The following BICD2 variants were observed in gnomAD, a reference collection of about 807,000 sequenced individuals.
The protein encoded by BICD2 is BICD cargo adaptor 2.
BICD2 carries 25 observed loss-of-function variants against 72.9 expected under a neutral mutation model. The observed-to-expected ratio is 0.34, with a 90% CI of 0.25 to 0.48. The LOEUF is 0.48. Among genes scored for constraint, BICD2 ranks in the 20% least tolerant of loss-of-function variants. The pLI, the probability that BICD2 is intolerant of heterozygous loss-of-function variation, is 0.99. For synonymous variants in BICD2, 501 were observed against 516.1 expected, an observed-to-expected ratio of 0.97 and a Z score of 0.40; for missense variants, 894 against 1,175.2, an observed-to-expected ratio of 0.76 and a Z score of 3.50.
chr9:92,715,519 G>A (rs144710648), intron 6 of BICD2, 56 bp from the exon 7 acceptor site: 861 of 1,511,484 alleles, frequency 5.7e-4, no homozygotes, highest in Non-Finnish European at 7.3e-4. Flanking sequence ...GAGGAGGGCA[G>A]GGCAGGGCAG....
chr9:92,740,522 TGTGCTGGGGCGGGGAGGGGGGG>T (rs1402224179), intron 1 of BICD2, among the ~76,000 whole-genome samples: 1 of 151,238 alleles, frequency 6.6e-6, no homozygotes, highest in Admixed American at 6.6e-5. Context: ...AAAGCAGTAC[TGTGCTGGGGCGGGGAGGGGGGG>T]CGTTGTGGTG....
chr9:92,759,631 C>T (rs1455576985), intron 1 of BICD2, among the ~76,000 whole-genome samples: 2 of 152,172 alleles, frequency 1.3e-5, no homozygotes, highest in Non-Finnish European at 2.9e-5. Flanking sequence ...CTCCAGAGTT[C>T]GGCTTCAGAG....
Position 92,764,804 on chromosome 9 carries a change from CGCCGCCGCT to C in BICD2, c.-69_-61del, listed in dbSNP as rs925359987. 47 of 1,223,916 alleles carry C rather than the reference CGCCGCCGCT, an allele frequency of 3.8e-5. 1 individual carries two copies. The East Asian group carries it at 4.3e-4, about 11-fold the overall frequency. The allele number at this position is 1,223,916 out of a possible 1,614,324, so 75.8% of individuals were successfully genotyped here. A position where few individuals can be genotyped will look rare whatever the true frequency, so the allele number is the denominator to read the frequency against. On this transcript the variant is annotated 5_prime_UTR_variant, in exon 1 of 7. Coordinates refer to ENST00000356884, the MANE Select transcript of BICD2 (RefSeq NM_001003800.2). The surrounding 1 kb of genome is among the most constrained non-coding windows in gnomAD (Gnocchi z 5.5). ...TCTCGCAGGCCGGGCCCTCCTCAGC[CGCCGCCGCT>C]GCCGCCGCCGCCGCCGCCCTGCCCC...
In BICD2 at chr9:92,719,242, G is replaced by T; in HGVS notation, c.1403C>A (p.Ala468Asp). 1.2e-6 allele frequency: 2 copies of T among 1,612,522 alleles called. No homozygotes were observed. The highest frequency in any genetic ancestry group is 8.5e-7 in the Non-Finnish European group (1 of 1,179,992). The change falls in exon 5 of 7, where the codon GCC becomes GAC. Residue 468 changes from alanine to aspartate, a missense_variant. Coordinates refer to ENST00000356884, the MANE Select transcript of BICD2 (RefSeq NM_001003800.2). ...AGCCTCATAGCGGCCCTTCTCCTCGGCGTGCTGGGCCTCACGAGCCTCGTG... is the reference window on the plus strand; with the variant it reads ...AGCCTCATAGCGGCCCTTCTCCTCGTCGTGCTGGGCCTCACGAGCCTCGTG... The part of the protein sequence containing the change: ...STHEAREAQH[A>D]EEKGRYEAEG...
At chr9:92,752,012 C>T (rs540645986) in intron 1 of BICD2, among the ~76,000 whole-genome samples, 58 of 152,144 alleles carry the variant, frequency 3.8e-4, no homozygotes, top group Non-Finnish European at 6.0e-4. Flanking sequence ...CCCATGTTGG[C>T]CAGGCTGGTC....
At chr9:92,748,365 C>G (rs1854059976) in intron 1 of BICD2, among the ~76,000 whole-genome samples, 1 of 152,148 alleles carries the variant, frequency 6.6e-6, no homozygotes, top group African/African-American at 2.4e-5. Flanking sequence ...GATAGTGCTC[C>G]CACACTCATC....
chr9:92,764,670 C>A lies in BICD2; in HGVS notation c.75G>T (p.Glu25Asp). ...CCAGCTCGTGGGACAGCCGCTTCAC[C>A]TCGGCGCGCAGCCACTCCGGCTGCG... is the stretch of plus-strand genomic sequence containing the variant. ...MEAQPEWLRA[E>D]VKRLSHELAE... Residue 25 changes from glutamate (E) to aspartate (D), a missense_variant, in exon 1 of 7, where the codon GAG (glutamate) becomes GAT (aspartate). Physicochemically the swap from Glu to Asp is conservative, Grantham distance 45. This residue lies in a region of BICD2 where 192 missense variants were observed against 243.6 expected (regional missense o/e 0.79). Coordinates refer to ENST00000356884, the MANE Select transcript of BICD2 (RefSeq NM_001003800.2). The surrounding 1 kb of genome is among the most constrained non-coding windows in gnomAD (Gnocchi z 5.5). The A allele has an allele frequency of 6.3e-7, 1 of 1,590,684 alleles. No individual in the cohort carries two copies. Among genetic ancestry groups the A allele is most frequent in the Non-Finnish European group, 8.5e-7 (1 of 1,172,108 alleles).
At chr9:92,760,790 A>G (rs1470848685) in intron 1 of BICD2, among the ~76,000 whole-genome samples, 1 of 152,156 alleles carries the variant, frequency 6.6e-6, no homozygotes, top group South Asian at 2.1e-4. Flanking sequence ...GCCCCCTGAA[A>G]GGCCCTTGGG....
intron 1 of BICD2, among the ~76,000 whole-genome samples, chr9:92,730,537 A>C (rs1171655789): frequency 6.6e-6 from 1 of 152,218 alleles, no homozygotes; most frequent in Non-Finnish European, 1.5e-5. Context: ...TGGGACCAAC[A>C]GGGGACTCAA....
chr9:92,758,950 G>T (rs966076095), intron 1 of BICD2, among the ~76,000 whole-genome samples: 1 of 151,554 alleles, frequency 6.6e-6, no homozygotes, highest in African/African-American at 2.4e-5. Context: ...TCAAGCCCAG[G>T]AGTTCAAGAG....
chr9:92,719,027 G>A lies in BICD2; in HGVS notation c.1618C>T (p.His540Tyr). Reference protein sequence around the residue: ...FSEELANLYHHVCMCNNETPN... With the variant: ...FSEELANLYHYVCMCNNETPN... ...GTCTCATTGTTGCACATGCACACGT[G>A]GTGGTAGAGATTGGCCAGCTCCTCA... The change falls in exon 5 of 7, where the codon CAC becomes TAC. Residue 540 changes from histidine (H) to tyrosine (Y), a missense_variant. His to Tyr is a moderately conservative substitution (Grantham distance 83). Coordinates refer to ENST00000356884, the MANE Select transcript of BICD2 (RefSeq NM_001003800.2). The A allele has an allele frequency of 6.2e-7, 1 of 1,612,518 alleles. No individual in the cohort carries two copies. The highest frequency in any genetic ancestry group is 8.5e-7 in the Non-Finnish European group (1 of 1,179,966).
intron 1 of BICD2, among the ~76,000 whole-genome samples, chr9:92,757,031 C>T (rs966619279): frequency 3.9e-4 from 59 of 152,032 alleles, no homozygotes; most frequent in Admixed American, 2.7e-3. Flanking sequence ...CCACACATGG[C>T]GCTGTCTTTA....
chr9:92,740,619 G>A (rs1853880892), intron 1 of BICD2, among the ~76,000 whole-genome samples: 1 of 151,714 alleles, frequency 6.6e-6, no homozygotes, highest in African/African-American at 2.4e-5. Context: ...TGCAAAAACT[G>A]AATAAAGTAA....
chr9:92,715,052 G>T lies in BICD2; in HGVS notation c.*102C>A. 1.4e-6 allele frequency: 2 copies of T among 1,472,414 alleles called. No homozygotes were observed. Among genetic ancestry groups the T allele is most frequent in the Non-Finnish European group, 9.0e-7 (1 of 1,110,494 alleles). 91.2% of individuals were successfully genotyped at this position (1,472,414 alleles called of 1,614,324 possible). On this transcript the variant is annotated 3_prime_UTR_variant, in exon 7 of 7. Transcript: ENST00000356884. Reference sequence around the variant, plus strand: ...CCTCGGCTAGACTCCTACCCTCTGTGCATTAGTCACGTTAAGATTGACCTA... The same window carrying T: ...CCTCGGCTAGACTCCTACCCTCTGTTCATTAGTCACGTTAAGATTGACCTA...
chr9:92,721,094 C>T (rs1232665106), intron 3 of BICD2, among the ~76,000 whole-genome samples: 2 of 152,198 alleles, frequency 1.3e-5, no homozygotes, highest in Non-Finnish European at 2.9e-5. Flanking sequence ...TGGAGATGCA[C>T]CAAGAACAAC....
chr9:92,744,436 T>C (rs1432175208), intron 1 of BICD2, among the ~76,000 whole-genome samples: 1 of 152,228 alleles, frequency 6.6e-6, no homozygotes, highest in Non-Finnish European at 1.5e-5. Flanking sequence ...GGTAGTTACA[T>C]GGGTGTACTT....
intron 1 of BICD2, among the ~76,000 whole-genome samples, chr9:92,738,664 C>G (rs1853837089): frequency 6.6e-6 from 1 of 152,248 alleles, no homozygotes; most frequent in Non-Finnish European, 1.5e-5. Context: ...ACCAACCCCA[C>G]TTGCCGACCT....
chr9:92,749,086 C>A (rs1251324692), intron 1 of BICD2, among the ~76,000 whole-genome samples: 1 of 151,846 alleles, frequency 6.6e-6, no homozygotes, highest in Non-Finnish European at 1.5e-5. Flanking sequence ...GGGAGGAGGC[C>A]CAGGAGCACT....
chr9:92,764,564 A>G lies in BICD2; in HGVS notation c.181T>C (p.Phe61Leu), dbSNP rs1036413242. The G allele has an allele frequency of 6.4e-7, 1 of 1,557,898 alleles. No individual in the cohort carries two copies. The highest frequency in any genetic ancestry group is 1.4e-5 in the African/African-American group (1 of 73,254). The change falls in exon 1 of 7, where the codon TTC (phenylalanine) becomes CTC (leucine). Residue 61 changes from phenylalanine (F) to leucine (L), a missense_variant. By Grantham distance (22) the Phe-to-Leu change is conservative. Transcript: ENST00000356884. The surrounding 1 kb of genome is among the most constrained non-coding windows in gnomAD (Gnocchi z 5.5). ...LEEKHQLKLQFEELEVDYEAI... is the reference protein window; with the variant it reads ...LEEKHQLKLQLEELEVDYEAI... ...TCATAGTCCACCTCGAGCTCCTCGA[A>G]CTGCAGCTTGAGCTGGTGCTTCTCC...
Sources: allele counts gnomAD v4.1 joint callset (sites outside exome capture counted in the v4.1 genomes callset), GRCh38; gene constraint gnomAD v4.1.1; regional missense constraint gnomAD v4.1.1; non-coding constraint Gnocchi (gnomAD v3.1); transcripts MANE v1.5; gene names NCBI Gene and HGNC (gene_info 2026-07-23, HGNC 2026-07-21).